MBNL2: variants seen among roughly 807,000 people sequenced by gnomAD.
MBNL2 encodes the protein muscleblind like splicing regulator 2.
MBNL2 carries 17 observed loss-of-function variants against 41.9 expected under a neutral mutation model. The ratio of observed to expected loss-of-function variants is 0.41; its 90% CI spans 0.28 to 0.61. The LOEUF (loss-of-function observed/expected upper bound fraction) is 0.61, where lower values mean the gene tolerates loss of function less well. Among genes scored for constraint, MBNL2 ranks in the 20% least tolerant of loss-of-function variants. MBNL2 has a pLI of 0.35. For synonymous variants in MBNL2, 195 were observed against 182.9 expected (o/e 1.07, Z -0.53); for missense variants, 336 against 505.6 (o/e 0.66, Z 3.22).
intron 1 of MBNL2, among the ~76,000 whole-genome samples, chr13:97,232,634 A>G (rs1241810695): frequency 6.6e-6 from 1 of 152,184 alleles, no homozygotes; most frequent in Non-Finnish European, 1.5e-5. Context: ...GGTTTGCTTT[A>G]GAAAAACTTC....
At chr13:97,352,046 AAATAAATAAATAAAT>A (rs1162900254) in intron 5 of MBNL2, among the ~76,000 whole-genome samples, 1 of 150,698 alleles carries the variant, frequency 6.6e-6, no homozygotes, top group African/African-American at 2.4e-5. Flanking sequence ...ATAAATAAAT[AAATAAATAAATAAAT>A]AATAAATAAA....
chr13:97,208,473 T>C, the MBNL2 span, among the ~76,000 whole-genome samples: 25,392 of 152,180 alleles, frequency 0.17, 2,814 homozygotes, highest in African/African-American at 0.32. Context: ...ACAATAGAAC[T>C]GGATAGTTCC....
At chr13:97,376,431 C>T (rs968974137) in intron 8 of MBNL2, among the ~76,000 whole-genome samples, 1 of 152,190 alleles carries the variant, frequency 6.6e-6, no homozygotes, top group African/African-American at 2.4e-5. Flanking sequence ...TTTCTAACAC[C>T]AGTTTATGAC....
chr13:97,386,159 T>G (rs2065907431), intron 8 of MBNL2, among the ~76,000 whole-genome samples: 1 of 152,250 alleles, frequency 6.6e-6, no homozygotes, highest in African/African-American at 2.4e-5. Flanking sequence ...CTAACTCTCC[T>G]GTAAACCTGC....
chr13:97,191,273 G>T, the MBNL2 span, among the ~76,000 whole-genome samples: 1 of 151,136 alleles, frequency 6.6e-6, no homozygotes. Context: ...ACAGAAGTGC[G>T]AACCCTTTGC....
the MBNL2 span, among the ~76,000 whole-genome samples, chr13:97,144,621 G>T: frequency 5.3e-5 from 8 of 151,962 alleles, no homozygotes; most frequent in African/African-American, 1.7e-4. Context: ...TAGAGATGGG[G>T]TTTCTCCATG....
intron 2 of MBNL2, among the ~76,000 whole-genome samples, chr13:97,322,749 C>T (rs1594209266): frequency 6.6e-6 from 1 of 152,166 alleles, no homozygotes; most frequent in Admixed American, 6.5e-5. Context: ...CATAGGCACA[C>T]AACCCTTCTC....
chr13:97,297,392 T>C (rs988030286), intron 2 of MBNL2, among the ~76,000 whole-genome samples: 1 of 152,142 alleles, frequency 6.6e-6, no homozygotes, highest in African/African-American at 2.4e-5. Flanking sequence ...GTAAGATCTA[T>C]GGCATGAGCT....
At chr13:97,333,253 T>G (rs1053811786) in intron 2 of MBNL2, among the ~76,000 whole-genome samples, 1 of 152,196 alleles carries the variant, frequency 6.6e-6, no homozygotes, top group Non-Finnish European at 1.5e-5. Context: ...TCTCCAGAAA[T>G]TGTATAATTC....
At chr13:97,228,286 A>G (rs987144433) in intron 1 of MBNL2, among the ~76,000 whole-genome samples, 1 of 151,828 alleles carries the variant, frequency 6.6e-6, no homozygotes, top group East Asian at 1.9e-4. Context: ...GGCCCATAAG[A>G]CCCCCAAGCT....
At chr13:97,374,966 T>C (rs1035383798) in intron 8 of MBNL2, among the ~76,000 whole-genome samples, 1 of 152,082 alleles carries the variant, frequency 6.6e-6, no homozygotes, top group African/African-American at 2.4e-5. Context: ...TCTATAAGAG[T>C]TGCTGTGAGC....
intron 1 of MBNL2, among the ~76,000 whole-genome samples, chr13:97,238,396 A>C (rs2043684773): frequency 6.6e-6 from 1 of 152,184 alleles, no homozygotes; most frequent in African/African-American, 2.4e-5. Flanking sequence ...GGCACCTTGG[A>C]ACAGGTGTAT....
intron 1 of MBNL2, among the ~76,000 whole-genome samples, chr13:97,234,608 A>G (rs2042948951): frequency 6.6e-6 from 1 of 152,224 alleles, no homozygotes; most frequent in African/African-American, 2.4e-5. Flanking sequence ...CACAGGTAAC[A>G]GCCCCCTCCA....
intron 2 of MBNL2, among the ~76,000 whole-genome samples, chr13:97,291,917 AG>A (rs71117639): frequency 2.4e-5 from 3 of 125,312 alleles, no homozygotes; most frequent in East Asian, 2.6e-4. Flanking sequence ...AAAAAAAAAA[AG>A]TGGGCTGGGT....
Position 97,286,623 on chromosome 13 carries a change from G to A in MBNL2, c.174+10214G>A, listed in dbSNP as rs2054501307. On this transcript the variant is annotated intron_variant, in intron 2 of 8. Coordinates refer to ENST00000679496, the MANE Select transcript of MBNL2 (RefSeq NM_001382683.1). ...AAAGTCCCTTAAGGACCTATGTGAT[G>A]TGGCACCTGTTGCATTTCTGGCCCC... is the stretch of plus-strand genomic sequence containing the variant. Among the ~76,000 whole-genome samples, 10 of 152,138 alleles carry A rather than the reference G, an allele frequency of 6.6e-5. No individual in the cohort carries two copies. In the South Asian group the frequency reaches 2.1e-3, roughly 32 times the overall value.
chr13:97,355,156 A>G (rs893474430), intron 5 of MBNL2, among the ~76,000 whole-genome samples: 1 of 152,158 alleles, frequency 6.6e-6, no homozygotes, highest in Non-Finnish European at 1.5e-5. Flanking sequence ...AACGTTCACA[A>G]TTGTACTTTC....
intron 1 of MBNL2, among the ~76,000 whole-genome samples, chr13:97,238,359 A>C (rs988515473): frequency 6.6e-6 from 1 of 152,186 alleles, no homozygotes; most frequent in Non-Finnish European, 1.5e-5. Context: ...AAAAATCCAA[A>C]GTGAAGAGCA....
chr13:97,181,845 C>A, the MBNL2 span, among the ~76,000 whole-genome samples: 1 of 152,170 alleles, frequency 6.6e-6, no homozygotes, highest in African/African-American at 2.4e-5. Flanking sequence ...GTCCAATGAG[C>A]TACTTGTGAA....
At chr13:97,183,773 GA>G in the MBNL2 span, among the ~76,000 whole-genome samples, 5 of 152,144 alleles carry the variant, frequency 3.3e-5, no homozygotes, top group African/African-American at 1.2e-4. Flanking sequence ...CCTGTTATCT[GA>G]TATTAATAAA....
Sources: allele counts gnomAD v4.1 joint callset (sites outside exome capture counted in the v4.1 genomes callset), GRCh38; gene constraint gnomAD v4.1.1; transcripts MANE v1.5; gene names NCBI Gene and HGNC (gene_info 2026-07-23, HGNC 2026-07-21).